LRRC8C: variants seen among roughly 807,000 people sequenced by gnomAD.
LRRC8C encodes the protein leucine rich repeat containing 8 VRAC subunit C.
Under a neutral mutation model 55.3 loss-of-function variants are expected in LRRC8C, and 20 were observed. The ratio of observed to expected loss-of-function variants is 0.36; its 90% CI spans 0.25 to 0.53. LRRC8C has a LOEUF of 0.53. Among genes scored for constraint, LRRC8C ranks in the 20% least tolerant of loss-of-function variants. LRRC8C has a pLI of 0.92. For missense variants in LRRC8C, 659 were observed against 951.4 expected (o/e 0.69, Z 4.04); for synonymous variants, 376 against 360.7 (o/e 1.04, Z -0.48).
At chr1:89,643,502 T>G (rs1196048785) in intron 1 of LRRC8C, among the ~76,000 whole-genome samples, 1 of 152,256 alleles carries the variant, frequency 6.6e-6, no homozygotes, top group African/African-American at 2.4e-5. Flanking sequence ...GCAAACCTAT[T>G]TATGTCACAT....
chr1:89,649,398 A>C (rs986587369), intron 1 of LRRC8C, among the ~76,000 whole-genome samples: 2 of 152,218 alleles, frequency 1.3e-5, no homozygotes, highest in Non-Finnish European at 2.9e-5. Flanking sequence ...GAAAGCTGAC[A>C]GGGTAGCTAG....
Position 89,714,284 on chromosome 1 carries a change from A to C in LRRC8C, c.1714A>C (p.Ile572Leu), listed in dbSNP as rs139429089. ...DVSSHLQKMC[I>L]HNDGTKLVML... ...TTCCAGCCATCTCCAGAAGATGTGCATACATAATGATGGCACCAAGCTGGT... is the reference window on the plus strand; with the variant it reads ...TTCCAGCCATCTCCAGAAGATGTGCCTACATAATGATGGCACCAAGCTGGT... The change falls in exon 3 of 3, where the codon ATA (isoleucine) becomes CTA (leucine). Residue 572 changes from isoleucine to leucine, a missense_variant. Ile to Leu is a conservative substitution (Grantham distance 5, BLOSUM62 2). Transcript: ENST00000370454. This position sits in a 1 kb window ranked among gnomAD's most constrained non-coding sequence, Gnocchi z 4.6. The C allele has an allele frequency of 5.0e-6, 8 of 1,614,078 alleles. No homozygotes were observed. The highest frequency in any genetic ancestry group is 1.3e-5 in the African/African-American group (1 of 74,946).
chr1:89,687,106 G>T (rs900498800), intron 2 of LRRC8C, among the ~76,000 whole-genome samples: 3 of 152,184 alleles, frequency 2.0e-5, no homozygotes, highest in African/African-American at 7.2e-5. Flanking sequence ...ATGTATTTAT[G>T]TATTGAATCC....
intron 1 of LRRC8C, among the ~76,000 whole-genome samples, chr1:89,649,062 C>T (rs1202400087): frequency 6.6e-6 from 1 of 151,962 alleles, no homozygotes; most frequent in African/African-American, 2.4e-5. Context: ...TATTTGAGTA[C>T]CTGTTTTAAA....
At chr1:89,657,336 A>G (rs1298273612) in intron 1 of LRRC8C, among the ~76,000 whole-genome samples, 1 of 152,214 alleles carries the variant, frequency 6.6e-6, no homozygotes, top group Non-Finnish European at 1.5e-5. Context: ...ATTTTGTATT[A>G]AAGTGCTATT....
chr1:89,693,466 G>A (rs940309359), intron 2 of LRRC8C, among the ~76,000 whole-genome samples: 2 of 151,918 alleles, frequency 1.3e-5, no homozygotes, highest in Middle Eastern at 3.2e-3. Flanking sequence ...TACTGTCTGG[G>A]ATTTCTAGTA....
intron 1 of LRRC8C, among the ~76,000 whole-genome samples, chr1:89,677,961 A>G (rs10754288): frequency 0.31 from 47,151 of 152,146 alleles, 7,571 homozygotes; most frequent in East Asian, 0.37. Context: ...CTGCCAAAAG[A>G]AAAGCAATTT....
chr1:89,624,001 A>G, the LRRC8C span, among the ~76,000 whole-genome samples: 1 of 152,182 alleles, frequency 6.6e-6, no homozygotes, highest in East Asian at 1.9e-4. Flanking sequence ...AAAGTTTACT[A>G]CTCACTTCAA....
intron 1 of LRRC8C, among the ~76,000 whole-genome samples, chr1:89,638,742 A>G (rs2101176292): frequency 6.6e-6 from 1 of 152,204 alleles, no homozygotes; most frequent in Middle Eastern, 3.4e-3. Flanking sequence ...CAAAATTATT[A>G]AATTCATAAA....
intron 2 of LRRC8C, among the ~76,000 whole-genome samples, chr1:89,691,057 A>G (rs369369847): frequency 6.6e-6 from 1 of 152,324 alleles, no homozygotes; most frequent in Non-Finnish European, 1.5e-5. Flanking sequence ...GGACTACTCA[A>G]TTCAACAAAC....
At chr1:89,622,980 A>G in the LRRC8C span, among the ~76,000 whole-genome samples, 1 of 152,196 alleles carries the variant, frequency 6.6e-6, no homozygotes, top group Non-Finnish European at 1.5e-5. Flanking sequence ...TTTACAAGCT[A>G]AAGAATATTC....
chr1:89,708,853 A>G (rs1350139047), intron 2 of LRRC8C, among the ~76,000 whole-genome samples: 1 of 152,146 alleles, frequency 6.6e-6, no homozygotes, highest in Admixed American at 6.5e-5. Flanking sequence ...ATTCTTTTGG[A>G]ATTCTACTCA....
intron 2 of LRRC8C, among the ~76,000 whole-genome samples, chr1:89,686,873 A>G (rs1657898750): frequency 6.6e-6 from 1 of 152,236 alleles, no homozygotes; most frequent in Non-Finnish European, 1.5e-5. Context: ...CACTAACATC[A>G]AAGGGGGCCC....
rs184250632 is a variant in LRRC8C, at chr1:89,705,562, T to C, written c.139-7147T>C. On this transcript the variant is annotated intron_variant, in intron 2 of 2. Coordinates refer to ENST00000370454, the MANE Select transcript of LRRC8C (RefSeq NM_032270.5). Reference sequence around the variant, plus strand: ...GGGAGACTGAGGTGGGTGGATCGTTTTGAGCACAGGAGTTCGAGACCAGCC... The same window carrying C: ...GGGAGACTGAGGTGGGTGGATCGTTCTGAGCACAGGAGTTCGAGACCAGCC... Among the ~76,000 whole-genome samples, 66 of 152,152 alleles carry C rather than the reference T, an allele frequency of 4.3e-4. 2 individuals carry two copies. Among genetic ancestry groups the C allele is most frequent in the African/African-American group, 1.5e-3 (64 of 41,474 alleles).
chr1:89,714,707 A>G lies in LRRC8C; in HGVS notation c.2137A>G (p.Ile713Val). Residue 713 changes from isoleucine to valine, a missense_variant, in exon 3 of 3, where the codon ATC (isoleucine) becomes GTC (valine). Ile to Val is a conservative substitution (Grantham distance 29). This residue lies in a region of LRRC8C where 344 missense variants were observed against 464.6 expected (regional missense o/e 0.74). Transcript: ENST00000370454. This position sits in a 1 kb window ranked among gnomAD's most constrained non-coding sequence, Gnocchi z 4.6. Reference sequence around the variant, plus strand: ...TCTACAAAGTTTACAGTATTTTTCCATCACATGTAACAAAGTGGAAAGCCT... The same window carrying G: ...TCTACAAAGTTTACAGTATTTTTCCGTCACATGTAACAAAGTGGAAAGCCT... ...GVLQSLQYFS[I>V]TCNKVESLPD... 6.2e-7 allele frequency: 1 copy of G among 1,614,202 alleles called. No homozygotes were observed. The highest frequency in any genetic ancestry group is 8.5e-7 in the Non-Finnish European group (1 of 1,180,012).
chr1:89,680,695 T>C (rs1008987600), intron 1 of LRRC8C, among the ~76,000 whole-genome samples: 1 of 151,792 alleles, frequency 6.6e-6, no homozygotes, highest in Non-Finnish European at 1.5e-5. Context: ...TGAGTAGCTG[T>C]GATTATAGGT....
intron 1 of LRRC8C, among the ~76,000 whole-genome samples, chr1:89,645,957 T>TTAGATAGA: frequency 1.6e-5 from 1 of 63,850 alleles, no homozygotes. Context: ...AGGAAGATGA[T>TTAGATAGA]CAGATAGATA....
At chr1:89,637,583 A>C (rs764622719) in intron 1 of LRRC8C, among the ~76,000 whole-genome samples, 5 of 152,092 alleles carry the variant, frequency 3.3e-5, no homozygotes, top group Non-Finnish European at 7.4e-5. Flanking sequence ...GGACTGTAAA[A>C]GTAGGAAAGA....
At chr1:89,686,356 A>T in intron 1 of LRRC8C, 114 bp from the exon 2 acceptor site, 2 of 1,048,128 alleles carry the variant, frequency 1.9e-6, no homozygotes, top group South Asian at 3.1e-5. Context: ...GTGTCTTGAC[A>T]GCTCTTGAAC....
Sources: gnomAD v4.1 joint callset for allele counts (sites outside exome capture counted in the v4.1 genomes callset) on GRCh38, gnomAD v4.1.1 for gene constraint, gnomAD v4.1.1 regional missense constraint, Gnocchi (gnomAD v3.1) non-coding constraint, MANE v1.5 for transcripts, NCBI Gene and HGNC (gene_info 2026-07-23, HGNC 2026-07-21) for gene names.